PIP5K1B: variants seen among roughly 807,000 people sequenced by gnomAD.
PIP5K1B encodes the protein phosphatidylinositol 4-phosphate 5-kinase type-1 beta.
PIP5K1B carries 42 observed loss-of-function variants against 67.0 expected under a neutral mutation model. The observed-to-expected ratio is 0.63, with a 90% CI of 0.49 to 0.81. PIP5K1B has a LOEUF of 0.81. Among genes scored for constraint, PIP5K1B ranks in the 30% least tolerant of loss-of-function variants. The pLI, the probability that PIP5K1B is intolerant of heterozygous loss-of-function variation, is 0.00. For synonymous variants in PIP5K1B, 214 were observed against 231.4 expected (o/e 0.92, Z 0.68); for missense variants, 459 against 646.3 (o/e 0.71, Z 3.14).
rs1391952824 is a variant in PIP5K1B at position 69,009,112 on chromosome 9, A to G, written c.*663A>G. On this transcript the variant is annotated 3_prime_UTR_variant, in exon 16 of 16. Transcript: ENST00000265382. ...TTGCTTGTAAAAGAGAAATTATATA[A>G]TTTATTTAGTAAATACTACTGTAAA... 6.5e-6 allele frequency: 1 copy of G among 152,680 alleles called. No individual in the cohort carries two copies. The highest frequency in any genetic ancestry group is 1.5e-5 in the Non-Finnish European group (1 of 68,062). 9.5% of individuals were successfully genotyped at this position (152,680 alleles called of 1,614,324 possible).
At chr9:68,808,438 A>G (rs1370378510) in intron 2 of PIP5K1B, among the ~76,000 whole-genome samples, 2 of 151,810 alleles carry the variant, frequency 1.3e-5, no homozygotes, top group African/African-American at 4.8e-5. Flanking sequence ...CCAGATACAC[A>G]CAGATACATA....
At chr9:68,897,475 C>G (rs577496105) in intron 8 of PIP5K1B, among the ~76,000 whole-genome samples, 1 of 152,150 alleles carries the variant, frequency 6.6e-6, no homozygotes, top group East Asian at 1.9e-4. Context: ...TCCGGATAGG[C>G]AAAGCAGTAG....
intron 2 of PIP5K1B, among the ~76,000 whole-genome samples, chr9:68,815,719 C>T (rs944767968): frequency 6.6e-6 from 1 of 151,958 alleles, no homozygotes; most frequent in African/African-American, 2.4e-5. Flanking sequence ...ATACCAAAAA[C>T]TGATAAAGAT....
chr9:68,925,792 C>A, intron 12 of PIP5K1B, among the ~76,000 whole-genome samples: 1 of 16,430 alleles, frequency 6.1e-5, no homozygotes. Context: ...GCTTGTGGTT[C>A]CAATTTTTTT....
intron 4 of PIP5K1B, among the ~76,000 whole-genome samples, chr9:68,829,870 G>C (rs1377341926): frequency 1.3e-5 from 2 of 152,200 alleles, no homozygotes; most frequent in African/African-American, 4.8e-5. Flanking sequence ...TGATGAGCAA[G>C]AATGCAGTCC....
chr9:68,844,962 C>T (rs915190704), intron 4 of PIP5K1B, among the ~76,000 whole-genome samples: 1 of 152,124 alleles, frequency 6.6e-6, no homozygotes, highest in Admixed American at 6.5e-5. Flanking sequence ...AAAAAACAGA[C>T]ATCTAGAAAA....
At chr9:68,729,562 CA>C (rs1403270449) in intron 1 of PIP5K1B, among the ~76,000 whole-genome samples, 1 of 152,162 alleles carries the variant, frequency 6.6e-6, no homozygotes, top group Non-Finnish European at 1.5e-5. Context: ...TCTATACACA[CA>C]TAATGGTCAG....
chr9:68,794,229 G>A (rs1217353340), intron 2 of PIP5K1B, among the ~76,000 whole-genome samples: 1 of 152,190 alleles, frequency 6.6e-6, no homozygotes, highest in Non-Finnish European at 1.5e-5. Flanking sequence ...GAAGAAGGAT[G>A]TGGGTTCTTC....
chr9:68,805,914 C>T (rs1832851258), intron 2 of PIP5K1B, among the ~76,000 whole-genome samples: 1 of 152,178 alleles, frequency 6.6e-6, no homozygotes, highest in Non-Finnish European at 1.5e-5. Flanking sequence ...CTAGACATTA[C>T]ACAGCTGGAG....
At chr9:68,795,899 A>T (rs1373632744) in intron 2 of PIP5K1B, among the ~76,000 whole-genome samples, 4 of 152,224 alleles carry the variant, frequency 2.6e-5, no homozygotes, top group Non-Finnish European at 5.9e-5. Context: ...GCAAACTTTC[A>T]TAAGATATGT....
In PIP5K1B at chr9:68,991,172, TGGAAGAGGG is replaced by T. The variant is rs751336576; in HGVS notation, c.1537_1545del (p.Glu513_Gly515del). On this transcript the variant is annotated inframe_deletion, in exon 15 of 16. Coordinates refer to ENST00000265382, the MANE Select transcript of PIP5K1B (RefSeq NM_003558.4). Reference sequence around the variant, plus strand: ...TTACCTTCCAGTTCAACATTTACCTTGGAAGAGGGGACCATCTACTTGACCGCTGAGCCC... The same window carrying T: ...TTACCTTCCAGTTCAACATTTACCTTGACCATCTACTTGACCGCTGAGCCC... 5 of 1,610,196 alleles carry T rather than the reference TGGAAGAGGG, an allele frequency of 3.1e-6. No homozygotes were observed. Among genetic ancestry groups the T allele is most frequent in the Non-Finnish European group, 4.3e-6 (5 of 1,176,398 alleles).
chr9:68,938,220 T>G (rs965040820), intron 13 of PIP5K1B, among the ~76,000 whole-genome samples: 4 of 152,188 alleles, frequency 2.6e-5, no homozygotes, highest in Admixed American at 2.6e-4. Context: ...CTGCTATTAT[T>G]GTGTGGGAGT....
rs142491756 is a variant in PIP5K1B, at chr9:68,791,676, C to A, written c.-85-26785C>A. Among the ~76,000 whole-genome samples the A allele has an allele frequency of 6.9e-3, 1,047 of 152,294 alleles. 11 individuals carry two copies. Among genetic ancestry groups the A allele is most frequent in the African/African-American group, 0.024 (989 of 41,550 alleles). ...CTCTTTACCAATTTATATTGCATTTCTAACTCTGAATTTAAATTTCATACC... is the reference window on the plus strand; with the variant it reads ...CTCTTTACCAATTTATATTGCATTTATAACTCTGAATTTAAATTTCATACC... On this transcript the variant is annotated intron_variant, in intron 2 of 15. Coordinates refer to ENST00000265382, the MANE Select transcript of PIP5K1B (RefSeq NM_003558.4).
intron 8 of PIP5K1B, among the ~76,000 whole-genome samples, chr9:68,900,190 T>A (rs1015692388): frequency 3.3e-5 from 5 of 152,224 alleles, no homozygotes; most frequent in African/African-American, 1.2e-4. Flanking sequence ...AGGTTGATTC[T>A]ATGTCTTTGC....
chr9:68,907,215 A>G (rs1025438067), intron 8 of PIP5K1B, among the ~76,000 whole-genome samples: 8 of 152,010 alleles, frequency 5.3e-5, no homozygotes, highest in Non-Finnish European at 1.2e-4. Context: ...TCCCTGTTTT[A>G]TCCTCCATTT....
At chr9:68,950,950 AAGCTGGCCC>A (rs1828036152) in intron 14 of PIP5K1B, among the ~76,000 whole-genome samples, 1 of 152,172 alleles carries the variant, frequency 6.6e-6, no homozygotes, top group Non-Finnish European at 1.5e-5. Context: ...TCACAGCACC[AAGCTGGCCC>A]AGCCTCCCCA....
chr9:68,710,998 AT>A (rs1827364871), intron 1 of PIP5K1B, among the ~76,000 whole-genome samples: 1 of 152,224 alleles, frequency 6.6e-6, no homozygotes, highest in South Asian at 2.1e-4. Context: ...AAGGATTGGA[AT>A]TGTAAGTACT....
chr9:68,955,578 C>G lies in PIP5K1B; in HGVS notation c.1502+14788C>G, dbSNP rs540167527. On this transcript the variant is annotated intron_variant, in intron 14 of 15. Coordinates refer to ENST00000265382, the MANE Select transcript of PIP5K1B (RefSeq NM_003558.4). ...GTGCGATCTCTGGAAAAGTGGGGAACTGGATATTTTTGTTTAAGAATACAC... is the reference window on the plus strand; with the variant it reads ...GTGCGATCTCTGGAAAAGTGGGGAAGTGGATATTTTTGTTTAAGAATACAC... Among the ~76,000 whole-genome samples the G allele has an allele frequency of 1.4e-4, 21 of 152,332 alleles. 1 individual carries two copies. The South Asian group carries it at 4.1e-3, about 30-fold the overall frequency.
intron 13 of PIP5K1B, among the ~76,000 whole-genome samples, chr9:68,936,976 G>A (rs1038688212): frequency 6.6e-6 from 1 of 152,178 alleles, no homozygotes; most frequent in Non-Finnish European, 1.5e-5. Flanking sequence ...GATCATGGTG[G>A]ATAAGCTTTT....
Sources: allele counts gnomAD v4.1 joint callset (sites outside exome capture counted in the v4.1 genomes callset), GRCh38; gene constraint gnomAD v4.1.1; transcripts MANE v1.5; gene names NCBI Gene and HGNC (gene_info 2026-07-23, HGNC 2026-07-21).